KIF1B: variants seen among roughly 807,000 people sequenced by gnomAD.
KIF1B encodes the protein kinesin family member 1B.
KIF1B carries 76 observed loss-of-function variants against 241.9 expected under a neutral mutation model. The ratio of observed to expected loss-of-function variants is 0.31; its 90% confidence interval spans 0.26 to 0.38. KIF1B has a LOEUF of 0.38. Ranked by LOEUF, KIF1B falls within the 10% of genes least tolerant of loss-of-function variation. The pLI is 1.00. For missense variants in KIF1B, 1,622 were observed against 2,271.4 expected, an observed-to-expected ratio of 0.71 and a Z score of 5.81; for synonymous variants, 750 against 796.7, an observed-to-expected ratio of 0.94 and a Z score of 0.99.
At chr1:10,240,720 C>CTTTTT (rs771359959) in intron 2 of KIF1B, among the ~76,000 whole-genome samples, 3 of 103,776 alleles carry the variant, frequency 2.9e-5, no homozygotes, top group Admixed American at 1.0e-4. Flanking sequence ...ATGGGTAGTT[C>CTTTTT]ATTTTTTTTT....
intron 22 of KIF1B, chr1:10,305,561 T>TCTGTGGC (rs1650789193): frequency 9.4e-7 from 1 of 1,059,206 alleles, no homozygotes; most frequent in African/African-American, 1.6e-5. Flanking sequence ...GGCTCTGTGG[T>TCTGTGGC]GCTGCTTTTT....
At chr1:10,218,514 G>A (rs1041012259) in intron 1 of KIF1B, among the ~76,000 whole-genome samples, 3 of 151,596 alleles carry the variant, frequency 2.0e-5, no homozygotes, top group Admixed American at 6.6e-5. Flanking sequence ...TTCATCTCCC[G>A]GGTTCAAGTG....
In KIF1B at chr1:10,275,554, T is replaced by A; in HGVS notation, c.958+51T>A. 2.9e-6 allele frequency: 3 copies of A among 1,031,068 alleles called. No homozygotes were observed. In the East Asian group the frequency reaches 7.1e-5, roughly 24 times the overall value. The allele number at this position is 1,031,068 out of a possible 1,614,324, so 63.9% of individuals were successfully genotyped here. A position where few individuals can be genotyped will look rare whatever the true frequency, so the allele number is the denominator to read the frequency against. Reference sequence around the variant, plus strand: ...GTTATCTTTTTAACTTTGATTATCTTTTGTGGTTAATTGTCCTGTGTCTGT... The same window carrying A: ...GTTATCTTTTTAACTTTGATTATCTATTGTGGTTAATTGTCCTGTGTCTGT... On this transcript the variant is annotated intron_variant, in intron 11 of 48. Coordinates refer to ENST00000676179, the MANE Select transcript of KIF1B (RefSeq NM_001365951.3).
intron 2 of KIF1B, among the ~76,000 whole-genome samples, chr1:10,252,451 TC>T (rs1394002006): frequency 6.6e-6 from 1 of 151,722 alleles, no homozygotes; most frequent in Admixed American, 6.6e-5. Flanking sequence ...TAGTCTGTCA[TC>T]CAGGATGGAG....
At chr1:10,334,683 A>C (rs1652097605) in intron 28 of KIF1B, 45 bp downstream of exon 28, 3 of 1,449,832 alleles carry the variant, frequency 2.1e-6, no homozygotes, top group Non-Finnish European at 2.9e-6. Context: ...TTCTTTGTCT[A>C]GAGACAAAGC....
intron 12 of KIF1B, among the ~76,000 whole-genome samples, chr1:10,276,608 T>A (rs938872628): frequency 6.6e-6 from 1 of 152,244 alleles, no homozygotes; most frequent in East Asian, 1.9e-4. Flanking sequence ...GGGAAAGATA[T>A]GAACTTTTTA....
chr1:10,298,382 A>AT (rs1650372285), intron 22 of KIF1B, among the ~76,000 whole-genome samples: 1 of 152,228 alleles, frequency 6.6e-6, no homozygotes, highest in African/African-American at 2.4e-5. Context: ...CTTTTCCAGA[A>AT]TACCTCAGTT....
intron 17 of KIF1B, 156 bp downstream of exon 17, chr1:10,292,278 T>C: frequency 1.5e-6 from 1 of 680,036 alleles, no homozygotes; most frequent in South Asian, 1.6e-5. Context: ...TAGAGCATGG[T>C]CTTATAGTAC....
intron 2 of KIF1B, among the ~76,000 whole-genome samples, chr1:10,235,828 C>T (rs1223375580): frequency 7.0e-6 from 1 of 142,436 alleles, no homozygotes. Flanking sequence ...CACCACTGCA[C>T]TCCGGCCTGG....
chr1:10,328,960 G>A (rs1308583869), intron 27 of KIF1B, among the ~76,000 whole-genome samples: 6 of 152,220 alleles, frequency 3.9e-5, no homozygotes, highest in Middle Eastern at 3.2e-3. Flanking sequence ...AGAAGCATTT[G>A]TATTTTGAGG....
intron 2 of KIF1B, among the ~76,000 whole-genome samples, chr1:10,242,316 G>A (rs76592061): frequency 0.017 from 2,552 of 152,090 alleles, 78 homozygotes; most frequent in African/African-American, 0.058. Flanking sequence ...AGCATGGAGT[G>A]TACTTACACA....
In KIF1B at chr1:10,378,239, CT is replaced by C; in HGVS notation, c.*1655del. 1 of 704,510 alleles carries C rather than the reference CT, an allele frequency of 1.4e-6. No homozygotes were observed. The highest frequency in any genetic ancestry group is 2.1e-5 in the Admixed American group (1 of 47,934). 43.6% of individuals were successfully genotyped at this position (704,510 alleles called of 1,614,324 possible). On this transcript the variant is annotated 3_prime_UTR_variant, in exon 49 of 49. Coordinates refer to ENST00000676179, the MANE Select transcript of KIF1B (RefSeq NM_001365951.3). The stretch of plus-strand genomic sequence containing the variant: ...ACGTCCAGGGAGCCCGGGCCCCAGG[CT>C]TTGTTGCGTGTTCCCTGCTCCTCTC...
At chr1:10,363,262 T>C (rs201847054) in intron 40 of KIF1B, 21 bp from the exon 41 acceptor site, 1 of 1,599,850 alleles carries the variant, frequency 6.3e-7, no homozygotes, top group African/African-American at 1.3e-5. Flanking sequence ...ATTAAACAAT[T>C]GTTTTATTTT....
rs530989599 is a variant in KIF1B, at chr1:10,292,428, C to G, written c.1590+306C>G. On this transcript the variant is annotated intron_variant, in intron 17 of 48. Transcript: ENST00000676179. Reference sequence around the variant, plus strand: ...GCTTTCTCTTAAATTCCCAGCCTAACCTAGCGTACTTTCAGTTTTGGCTAC... The same window carrying G: ...GCTTTCTCTTAAATTCCCAGCCTAAGCTAGCGTACTTTCAGTTTTGGCTAC... 1.5e-5 allele frequency: 5 copies of G among 329,420 alleles called. No individual in the cohort carries two copies. The East Asian group carries it at 3.5e-4, about 23-fold the overall frequency. 20.4% of individuals were successfully genotyped at this position (329,420 alleles called of 1,614,324 possible).
rs1341867473 is a variant in KIF1B, at chr1:10,361,115, G to A, written c.4170+72G>A. ...CAGTGTGCAGGTTACAGCAGGAAGT[G>A]GTCAGCGAAGATTCCACTTGTTTTG... On this transcript the variant is annotated intron_variant, in intron 39 of 48. Transcript: ENST00000676179. The A allele has an allele frequency of 1.3e-5, 13 of 977,832 alleles. No individual in the cohort carries two copies. In the Admixed American group the frequency reaches 1.9e-4, roughly 14 times the overall value. The allele number at this position is 977,832 out of a possible 1,614,324, so 60.6% of individuals were successfully genotyped here.
At chr1:10,257,518 A>G (rs1011959925) in intron 3 of KIF1B, among the ~76,000 whole-genome samples, 8 of 151,888 alleles carry the variant, frequency 5.3e-5, no homozygotes, top group African/African-American at 1.9e-4. Flanking sequence ...CAAGGGAAAC[A>G]AAAGATTACC....
chr1:10,275,603 T>C, intron 11 of KIF1B, 100 bp downstream of exon 11: 1 of 793,658 alleles, frequency 1.3e-6, no homozygotes, highest in Non-Finnish European at 2.3e-6. Context: ...AATCTCTAGA[T>C]ATTCATGTTA....
rs1205275293 is a variant in KIF1B, at chr1:10,302,092, T to G, written c.2115+4846T>G. On this transcript the variant is annotated intron_variant, in intron 22 of 48. Transcript: ENST00000676179. The stretch of plus-strand genomic sequence containing the variant: ...GTCACTTAAAGTGATATTCCTCAAA[T>G]AGCTAAAAATGTCCTGGGTTTTCTA... 3.3e-5 allele frequency among the ~76,000 whole-genome samples: 5 copies of G among 152,340 alleles called. No homozygotes were observed. In the East Asian group the frequency reaches 9.6e-4, roughly 29 times the overall value.
chr1:10,376,434 C>A, intron 48 of KIF1B, 111 bp from the exon 49 acceptor site: 1 of 1,044,372 alleles, frequency 9.6e-7, no homozygotes, highest in Non-Finnish European at 1.5e-6. Context: ...ACTAGGCCTG[C>A]GGTGCCAAAT....
Sources: allele counts gnomAD v4.1 joint callset (sites outside exome capture counted in the v4.1 genomes callset), GRCh38; gene constraint gnomAD v4.1.1; transcripts MANE v1.5; gene names NCBI Gene and HGNC (gene_info 2026-07-23, HGNC 2026-07-21).